PCDH15: variants seen among roughly 807,000 people sequenced by gnomAD.
PCDH15 encodes the protein protocadherin-15.
In PCDH15, 129 loss-of-function variants were observed where a neutral mutation model predicts 178.5. The observed-to-expected ratio is 0.72, with a 90% CI of 0.63 to 0.84. PCDH15 has a LOEUF of 0.84. Among genes scored for constraint, PCDH15 ranks in the 40% least tolerant of loss-of-function variants. The probability of loss-of-function intolerance (pLI) is 0.00; values close to 1 mark genes in which losing one functional copy is unlikely to be tolerated. For missense variants in PCDH15, 2,230 were observed against 2,099.9 expected, an observed-to-expected ratio of 1.06 and a Z score of -1.21; for synonymous variants, 800 against 732.0, an observed-to-expected ratio of 1.09 and a Z score of -1.50.
chr10:55,158,354 GA>G, intron 2 of PCDH15, among the ~76,000 whole-genome samples: 1 of 152,162 alleles, frequency 6.6e-6, no homozygotes, highest in East Asian at 1.9e-4. Flanking sequence ...ATGTGAGACA[GA>G]AGTAAAGTGG....
At chr10:54,475,055 G>C (rs2078184915) in intron 3 of PCDH15, among the ~76,000 whole-genome samples, 1 of 151,582 alleles carries the variant, frequency 6.6e-6, no homozygotes, top group Non-Finnish European at 1.5e-5. Context: ...TTTTTTTAAT[G>C]TTAGACTTTT....
intron 2 of PCDH15, among the ~76,000 whole-genome samples, chr10:55,088,268 A>G (rs1361952576): frequency 1.3e-5 from 2 of 151,660 alleles, no homozygotes; most frequent in African/African-American, 4.8e-5. Flanking sequence ...ACTACTATGG[A>G]AGCATGTTTT....
At chr10:54,098,480 G>A (rs1021940762) in intron 15 of PCDH15, among the ~76,000 whole-genome samples, 7 of 152,090 alleles carry the variant, frequency 4.6e-5, no homozygotes, top group African/African-American at 1.7e-4. Flanking sequence ...CATCTGGAAT[G>A]ATGCTGAAAA....
intron 2 of PCDH15, among the ~76,000 whole-genome samples, chr10:55,378,422 A>G (rs982853860): frequency 1.3e-5 from 2 of 152,128 alleles, no homozygotes; most frequent in Non-Finnish European, 2.9e-5. Context: ...CTATTCTCAT[A>G]CTTGACTCAG....
chr10:54,231,698 G>GTATT (rs2134316650), intron 9 of PCDH15, among the ~76,000 whole-genome samples: 1 of 152,334 alleles, frequency 6.6e-6, no homozygotes, highest in South Asian at 2.1e-4. Flanking sequence ...AATACCCAAG[G>GTATT]CCTTGGGAGC....
chr10:54,193,268 C>T (rs725612), intron 11 of PCDH15, among the ~76,000 whole-genome samples: 72,858 of 151,964 alleles, frequency 0.48, 18,358 homozygotes, highest in East Asian at 0.89. Flanking sequence ...CAGACAAGTA[C>T]GGGGTCACAT....
At chr10:54,358,354 C>T (rs1487759488) in intron 5 of PCDH15, among the ~76,000 whole-genome samples, 7 of 151,764 alleles carry the variant, frequency 4.6e-5, no homozygotes, top group Middle Eastern at 3.2e-3. Flanking sequence ...GGGCAAAGGA[C>T]ATGAACAGAC....
At position 54,455,497 on chromosome 10, in the gene PCDH15, C is replaced by A. The variant is rs552835996; in HGVS notation, c.157+72315G>T. On this transcript the variant is annotated intron_variant, in intron 3 of 37. Transcript: ENST00000644397. ...ATTTGTTAGGAGTTGGAGTATAGGT[C>A]ACTCTTGCTATGCAGGGAGACTGGC... Among the ~76,000 whole-genome samples the A allele has an allele frequency of 2.6e-5, 4 of 152,242 alleles. No homozygotes were observed. The South Asian group carries it at 8.3e-4, about 32-fold the overall frequency.
chr10:55,348,899 C>G (rs1900484), intron 2 of PCDH15, among the ~76,000 whole-genome samples: 84,240 of 151,886 alleles, frequency 0.55, 24,032 homozygotes, highest in African/African-American at 0.68. Flanking sequence ...CCATTGGAAA[C>G]TTCCAAGCAA....
chr10:54,444,078 AC>A lies in PCDH15; in HGVS notation c.158-65137del, dbSNP rs549917355. The stretch of plus-strand genomic sequence containing the variant: ...AAAACTAATTCAGAATGTCTAGGTA[AC>A]ACAAGAACACTCTGCAACAAACAAG... On this transcript the variant is annotated intron_variant, in intron 3 of 37. Transcript: ENST00000644397. 6.6e-4 allele frequency among the ~76,000 whole-genome samples: 100 copies of A among 151,878 alleles called. 1 individual carries two copies. In the South Asian group the frequency reaches 0.021, roughly 31 times the overall value.
At chr10:55,412,124 C>T (rs61851117) in intron 2 of PCDH15, among the ~76,000 whole-genome samples, 18,283 of 151,898 alleles carry the variant, frequency 0.12, 1,220 homozygotes, top group Middle Eastern at 0.18. Flanking sequence ...AAGAATCAAA[C>T]GGATGAGGGC....
At chr10:55,090,642 C>T (rs1038524431) in intron 2 of PCDH15, among the ~76,000 whole-genome samples, 2 of 152,066 alleles carry the variant, frequency 1.3e-5, no homozygotes, top group Non-Finnish European at 2.9e-5. Flanking sequence ...TATTCTATCA[C>T]CACATTCAGC....
chr10:55,622,178 T>TATATTTATAA (rs1444533929), intron 2 of PCDH15, among the ~76,000 whole-genome samples: 1 of 139,636 alleles, frequency 7.2e-6, no homozygotes, highest in Non-Finnish European at 1.5e-5. Context: ...ATATATTATA[T>TATATTTATAA]ATATATACAT....
intron 2 of PCDH15, among the ~76,000 whole-genome samples, chr10:55,425,458 A>C (rs181511964): frequency 2.1e-3 from 315 of 152,248 alleles, no homozygotes; most frequent in African/African-American, 7.2e-3. Flanking sequence ...TTAATAGCAC[A>C]TATAAATAGC....
intron 2 of PCDH15, among the ~76,000 whole-genome samples, chr10:55,132,671 A>C (rs1838086223): frequency 6.6e-6 from 1 of 152,226 alleles, no homozygotes; most frequent in Non-Finnish European, 1.5e-5. Flanking sequence ...AAATCCAAGT[A>C]TTTTATGTAG....
chr10:55,556,125 G>A (rs1297962522), intron 2 of PCDH15, among the ~76,000 whole-genome samples: 1 of 151,098 alleles, frequency 6.6e-6, no homozygotes, highest in Non-Finnish European at 1.5e-5. Flanking sequence ...ATTTTTATTT[G>A]TTGTTTATAA....
intron 2 of PCDH15, among the ~76,000 whole-genome samples, chr10:55,460,840 G>A (rs1328622138): frequency 1.3e-5 from 2 of 151,904 alleles, no homozygotes; most frequent in Non-Finnish European, 2.9e-5. Flanking sequence ...AAATCCACTT[G>A]GGCTTTGTTC....
At chr10:54,061,692 T>G (rs999238214) in intron 18 of PCDH15, among the ~76,000 whole-genome samples, 3 of 152,156 alleles carry the variant, frequency 2.0e-5, no homozygotes, top group Non-Finnish European at 4.4e-5. Flanking sequence ...ACACAGAGTA[T>G]ATACTTACTG....
chr10:55,617,361 A>G (rs1308446014), intron 2 of PCDH15, among the ~76,000 whole-genome samples: 1 of 152,082 alleles, frequency 6.6e-6, no homozygotes, highest in Non-Finnish European at 1.5e-5. Flanking sequence ...TATACTCTTC[A>G]CTGTAATTGC....
Sources: gnomAD v4.1 joint callset for allele counts (sites outside exome capture counted in the v4.1 genomes callset) on GRCh38, gnomAD v4.1.1 for gene constraint, MANE v1.5 for transcripts, NCBI Gene and HGNC (gene_info 2026-07-23, HGNC 2026-07-21) for gene names.